The following CTNNB1 variants were observed in gnomAD, a reference collection of about 807,000 sequenced individuals.
The protein encoded by CTNNB1 is catenin beta 1.
In CTNNB1, 6 loss-of-function variants were observed where a neutral mutation model predicts 82.5. The observed-to-expected ratio is 0.07, with a 90% CI of 0.04 to 0.14. CTNNB1 has a LOEUF of 0.14. Ranked by LOEUF, CTNNB1 falls within the 10% of genes least tolerant of loss-of-function variation. The probability of loss-of-function intolerance (pLI) is 1.00; values close to 1 mark genes in which losing one functional copy is unlikely to be tolerated. For synonymous variants in CTNNB1, 312 were observed against 329.7 expected, an observed-to-expected ratio of 0.95 and a Z score of 0.58; for missense variants, 529 against 980.4, an observed-to-expected ratio of 0.54 and a Z score of 6.15.
intron 10 of CTNNB1, 112 bp downstream of exon 10, chr3:41,234,409 G>A: frequency 9.7e-7 from 1 of 1,032,898 alleles, no homozygotes; most frequent in South Asian, 1.3e-5. Context: ...TTCCTGAAGA[G>A]CTAATGACAA....
chr3:41,217,199 C>T (rs573344939), intron 1 of CTNNB1, among the ~76,000 whole-genome samples: 1 of 152,244 alleles, frequency 6.6e-6, no homozygotes, highest in African/African-American at 2.4e-5. Flanking sequence ...AGTGTTCTGC[C>T]CCATCTTTAC....
intron 1 of CTNNB1, chr3:41,221,719 T>C (rs2078053199): frequency 6.6e-6 from 1 of 152,222 alleles, no homozygotes; most frequent in Non-Finnish European, 1.5e-5. Context: ...CCATCTTGAC[T>C]GAAATGTCCT....
Position 41,236,571 on chromosome 3 carries a change from T to C in CTNNB1, c.1955-17T>C. On this transcript the variant is annotated splice_polypyrimidine_tract_variant and intron_variant, in intron 12 of 14. Coordinates refer to ENST00000349496, the MANE Select transcript of CTNNB1 (RefSeq NM_001904.4). ...TCTCAGTTTTTCCTCAAGGGCCTTT[T>C]TCTCCTTGTCTCTTAGCGACATATG... The C allele has an allele frequency of 6.2e-7, 1 of 1,614,216 alleles. No homozygotes were observed. The highest frequency in any genetic ancestry group is 1.1e-5 in the South Asian group (1 of 91,088).
chr3:41,214,036 G>A (rs913090258), intron 1 of CTNNB1, among the ~76,000 whole-genome samples: 3 of 152,198 alleles, frequency 2.0e-5, no homozygotes, highest in African/African-American at 7.2e-5. Flanking sequence ...TTAAGAATCT[G>A]TGTTGTCTTA....
chr3:41,208,397 T>C (rs2077698619), intron 1 of CTNNB1, among the ~76,000 whole-genome samples: 2 of 152,238 alleles, frequency 1.3e-5, no homozygotes, highest in African/African-American at 4.8e-5. Flanking sequence ...CTAACTCAAC[T>C]ACATATTCCC....
intron 2 of CTNNB1, 153 bp from the exon 3 acceptor site, chr3:41,224,373 C>G: frequency 1.2e-6 from 1 of 834,398 alleles, no homozygotes; most frequent in African/African-American, 1.7e-5. Flanking sequence ...CATCACTGAG[C>G]TAACCCTGGC....
chr3:41,234,112 A>G (rs1553631956), intron 9 of CTNNB1, 27 bp from the exon 10 acceptor site: 35 of 1,613,980 alleles, frequency 2.2e-5, no homozygotes, highest in Non-Finnish European at 2.7e-5. Flanking sequence ...GTTGAGTTGT[A>G]TGCCAGTTCT....
intron 1 of CTNNB1, among the ~76,000 whole-genome samples, chr3:41,216,953 C>A (rs2077929645): frequency 6.6e-6 from 1 of 152,006 alleles, no homozygotes; most frequent in Non-Finnish European, 1.5e-5. Context: ...TGCTATTGCC[C>A]CTTATTGTCT....
intron 1 of CTNNB1, among the ~76,000 whole-genome samples, chr3:41,222,622 T>G (rs1280662496): frequency 1.3e-5 from 2 of 152,220 alleles, no homozygotes. Flanking sequence ...GTCAAGTTAC[T>G]AGGTCAGCCC....
Position 41,238,069 on chromosome 3 carries a change from C to G in CTNNB1, c.2130C>G (p.Arg710=). 6.2e-7 allele frequency: 1 copy of G among 1,613,266 alleles called. No individual in the cohort carries two copies. Among genetic ancestry groups the G allele is most frequent in the Non-Finnish European group, 8.5e-7 (1 of 1,179,280 alleles). The part of the protein sequence containing the change: ...IGAQGEPLGY[R]QDDPSYRSFH... The stretch of plus-strand genomic sequence containing the variant: ...CCCAGGGAGAACCCCTTGGATATCG[C>G]CAGGATGGTATGTGTCTCATATTTC... The change falls in exon 14 of 15, where the codon CGC becomes CGG. Residue 710 remains arginine (R), a synonymous_variant. Transcript: ENST00000349496.
intron 1 of CTNNB1, among the ~76,000 whole-genome samples, chr3:41,207,693 A>G (rs1279127456): frequency 6.6e-6 from 1 of 151,962 alleles, no homozygotes; most frequent in African/African-American, 2.4e-5. Flanking sequence ...CCCATCTCCC[A>G]CCTTTCATCA....
At chr3:41,223,733 A>T (rs2078106582) in intron 1 of CTNNB1, among the ~76,000 whole-genome samples, 1 of 152,126 alleles carries the variant, frequency 6.6e-6, no homozygotes. Context: ...TTATTATTAC[A>T]ACTCTGTGCT....
chr3:41,221,826 T>C (rs545475309), intron 1 of CTNNB1: 5 of 152,332 alleles, frequency 3.3e-5, no homozygotes, highest in Admixed American at 2.6e-4. Flanking sequence ...CATAATTCTT[T>C]CTGAAATGTC....
In CTNNB1 at chr3:41,233,124, C is replaced by G. The variant is rs1020776045; in HGVS notation, c.1082-217C>G. The G allele has an allele frequency of 3.6e-5, 22 of 612,878 alleles. 1 individual carries two copies. Among genetic ancestry groups the G allele is most frequent in the Non-Finnish European group, 5.5e-5 (19 of 346,014 alleles). The allele number at this position is 612,878 out of a possible 1,614,324, so 38.0% of individuals were successfully genotyped here. A position where few individuals can be genotyped will look rare whatever the true frequency, so the allele number is the denominator to read the frequency against. On this transcript the variant is annotated intron_variant, in intron 7 of 14. Coordinates refer to ENST00000349496, the MANE Select transcript of CTNNB1 (RefSeq NM_001904.4). The stretch of plus-strand genomic sequence containing the variant: ...AGGCTTTTTCGGCTTAGGAAAGGAA[C>G]AGTAGCTATTTGAGAGTTTGTCACT...
At chr3:41,227,132 G>T (rs1261681992) in intron 6 of CTNNB1, 76 bp from the exon 7 acceptor site, 1 of 1,229,638 alleles carries the variant, frequency 8.1e-7, no homozygotes, top group Non-Finnish European at 1.2e-6. Flanking sequence ...TAATAAAATA[G>T]GTTGGTAATA....
intron 7 of CTNNB1, among the ~76,000 whole-genome samples, chr3:41,231,499 G>C (rs896359920): frequency 6.6e-6 from 1 of 152,156 alleles, no homozygotes; most frequent in African/African-American, 2.4e-5. Flanking sequence ...TACTCATGGA[G>C]TTTATTCATG....
intron 1 of CTNNB1, among the ~76,000 whole-genome samples, chr3:41,207,607 T>G (rs570203221): frequency 6.6e-6 from 1 of 152,332 alleles, no homozygotes; most frequent in African/African-American, 2.4e-5. Context: ...TTCAAGGACA[T>G]TGTTACTTTA....
At position 41,225,498 on chromosome 3, in the gene CTNNB1, C is replaced by T. The variant is rs2078155708; in HGVS notation, c.660C>T (p.Asn220=). Reference sequence around the variant, plus strand: ...GTTGTACCGCTGGGACCTTGCATAACCTTTCCCATCATCGTGAGGGCTTAC... The same window carrying T: ...GTTGTACCGCTGGGACCTTGCATAATCTTTCCCATCATCGTGAGGGCTTAC... ...TARCTAGTLH[N]LSHHREGLLA... The change falls in exon 5 of 15, where the codon AAC becomes AAT. Residue 220 remains asparagine, a synonymous_variant. Transcript: ENST00000349496. The surrounding 1 kb of genome is among the most constrained non-coding windows in gnomAD (Gnocchi z 5.3). 6.2e-7 allele frequency: 1 copy of T among 1,614,030 alleles called. No individual in the cohort carries two copies. Among genetic ancestry groups the T allele is most frequent in the Non-Finnish European group, 8.5e-7 (1 of 1,179,986 alleles).
chr3:41,217,260 C>G (rs1018787536), intron 1 of CTNNB1, among the ~76,000 whole-genome samples: 9 of 152,168 alleles, frequency 5.9e-5, no homozygotes, highest in Non-Finnish European at 1.0e-4. Context: ...ACAGGCCTTC[C>G]CTGACCACCC....
Sources: gnomAD v4.1 joint callset for allele counts (sites outside exome capture counted in the v4.1 genomes callset) on GRCh38, gnomAD v4.1.1 for gene constraint, Gnocchi (gnomAD v3.1) non-coding constraint, MANE v1.5 for transcripts, NCBI Gene and HGNC (gene_info 2026-07-23, HGNC 2026-07-21) for gene names.